DACH1: variants seen among roughly 807,000 people sequenced by gnomAD.
DACH1 encodes dachshund homolog 1.
DACH1 carries 12 observed loss-of-function variants against 54.2 expected under a neutral mutation model. The ratio of observed to expected loss-of-function variants is 0.22; its 90% CI spans 0.14 to 0.36. DACH1 has a LOEUF of 0.36. DACH1 is among the 10% of genes least tolerant of loss of function. The pLI, the probability that DACH1 is intolerant of heterozygous loss-of-function variation, is 1.00. For synonymous variants in DACH1, 386 were observed against 366.2 expected, an observed-to-expected ratio of 1.05 and a Z score of -0.62; for missense variants, 805 against 929.8, an observed-to-expected ratio of 0.87 and a Z score of 1.75.
intron 1 of DACH1, among the ~76,000 whole-genome samples, chr13:71,822,949 T>G (rs1888247457): frequency 6.6e-6 from 1 of 152,142 alleles, no homozygotes; most frequent in African/African-American, 2.4e-5. Flanking sequence ...TACATAGATT[T>G]GAACTTAGGG....
At chr13:71,723,606 T>A (rs569042232) in intron 1 of DACH1, among the ~76,000 whole-genome samples, 1 of 152,348 alleles carries the variant, frequency 6.6e-6, no homozygotes, top group Non-Finnish European at 1.5e-5. Flanking sequence ...GGTGGTTTTT[T>A]AAAAATTTAT....
intron 3 of DACH1, among the ~76,000 whole-genome samples, chr13:71,609,408 G>A (rs915926620): frequency 1.3e-5 from 2 of 152,148 alleles, no homozygotes; most frequent in African/African-American, 2.4e-5. Flanking sequence ...TCCTGGTGCT[G>A]TGTACATACT....
chr13:71,730,699 T>C (rs1883702315), intron 1 of DACH1, among the ~76,000 whole-genome samples: 1 of 152,192 alleles, frequency 6.6e-6, no homozygotes, highest in Non-Finnish European at 1.5e-5. Context: ...AAGCATTATG[T>C]ACTTTGTTGT....
chr13:71,582,814 G>A (rs190698967), intron 3 of DACH1, among the ~76,000 whole-genome samples: 291 of 152,230 alleles, frequency 1.9e-3, no homozygotes, highest in Non-Finnish European at 3.3e-3. Flanking sequence ...ATTCAGAAGA[G>A]GAGGTTTTCA....
intron 1 of DACH1, among the ~76,000 whole-genome samples, chr13:71,749,470 C>T (rs1040890365): frequency 9.2e-5 from 14 of 151,950 alleles, no homozygotes; most frequent in Non-Finnish European, 1.8e-4. Flanking sequence ...CAGATAAAAC[C>T]TGGGCTGATA....
intron 4 of DACH1, among the ~76,000 whole-genome samples, chr13:71,560,642 T>C (rs1461629342): frequency 6.6e-6 from 1 of 152,184 alleles, no homozygotes; most frequent in African/African-American, 2.4e-5. Flanking sequence ...TTCCTGATAC[T>C]CTATTTTATG....
intron 1 of DACH1, among the ~76,000 whole-genome samples, chr13:71,821,914 A>T (rs1364382575): frequency 1.3e-5 from 2 of 152,070 alleles, no homozygotes; most frequent in Admixed American, 6.5e-5. Flanking sequence ...TACAAAAATT[A>T]TCTGGGCGTG....
chr13:71,765,242 A>C (rs1885571373), intron 1 of DACH1, among the ~76,000 whole-genome samples: 1 of 152,284 alleles, frequency 6.6e-6, no homozygotes, highest in African/African-American at 2.4e-5. Context: ...GAAGACATTA[A>C]CTTATGATTT....
chr13:71,685,727 T>C (rs1881126638), intron 1 of DACH1, among the ~76,000 whole-genome samples: 1 of 152,174 alleles, frequency 6.6e-6, no homozygotes, highest in Admixed American at 6.5e-5. Flanking sequence ...AAAGGCATTT[T>C]AGGGAACCTC....
At chr13:71,712,745 C>T (rs1882780128) in intron 1 of DACH1, among the ~76,000 whole-genome samples, 1 of 151,946 alleles carries the variant, frequency 6.6e-6, no homozygotes, top group Non-Finnish European at 1.5e-5. Flanking sequence ...AAAATAAATA[C>T]TTATTTCAAC....
chr13:71,513,368 C>G lies in DACH1; in HGVS notation c.1571-24220G>C, dbSNP rs562931101. 5.3e-5 allele frequency among the ~76,000 whole-genome samples: 8 copies of G among 151,990 alleles called. No homozygotes were observed. In the South Asian group the frequency reaches 1.7e-3, roughly 32 times the overall value. On this transcript the variant is annotated intron_variant, in intron 6 of 10. Coordinates refer to ENST00000613252, the MANE Select transcript of DACH1 (RefSeq NM_080759.6). ...AGGTTTGATTGTACCAAGAAAATTG[C>G]TTTTGCCATTTGCTTAATTTCATCT...
intron 2 of DACH1, among the ~76,000 whole-genome samples, chr13:71,638,336 A>G (rs919915916): frequency 1.3e-5 from 2 of 152,184 alleles, no homozygotes; most frequent in African/African-American, 4.8e-5. Flanking sequence ...TAACCATTAC[A>G]AGAAGGAGGA....
intron 5 of DACH1, among the ~76,000 whole-genome samples, chr13:71,557,814 G>A (rs1250953570): frequency 1.4e-5 from 2 of 145,158 alleles, no homozygotes; most frequent in African/African-American, 5.1e-5. Context: ...CAAACTGAGG[G>A]ACATTCTACA....
intron 1 of DACH1, among the ~76,000 whole-genome samples, chr13:71,811,515 A>G (rs1313155253): frequency 2.0e-5 from 3 of 152,180 alleles, no homozygotes; most frequent in Non-Finnish European, 4.4e-5. Flanking sequence ...ACAAACCACT[A>G]GTTTGCTACT....
chr13:71,606,074 T>C (rs1874859684), intron 3 of DACH1, among the ~76,000 whole-genome samples: 1 of 152,066 alleles, frequency 6.6e-6, no homozygotes, highest in Non-Finnish European at 1.5e-5. Context: ...GCTAATCTAC[T>C]AGAGTACTAT....
At chr13:71,505,919 T>C (rs1464699194) in intron 6 of DACH1, among the ~76,000 whole-genome samples, 5 of 152,060 alleles carry the variant, frequency 3.3e-5, no homozygotes, top group Non-Finnish European at 7.4e-5. Context: ...TTAAAAATAA[T>C]TAAAATATTC....
chr13:71,693,296 C>CTTTTTTTTTTGT (rs1881620344), intron 1 of DACH1, among the ~76,000 whole-genome samples: 1 of 90,962 alleles, frequency 1.1e-5, no homozygotes, highest in Admixed American at 1.3e-4. Flanking sequence ...ATTTGTTTTG[C>CTTTTTTTTTTGT]TTTTTTTTTT....
intron 6 of DACH1, among the ~76,000 whole-genome samples, chr13:71,535,398 T>C (rs1882701321): frequency 6.6e-6 from 1 of 151,926 alleles, no homozygotes; most frequent in Admixed American, 6.6e-5. Context: ...ATTTAAAATT[T>C]GGAATGTTAT....
chr13:71,821,655 T>G (rs1227107230), intron 1 of DACH1, among the ~76,000 whole-genome samples: 1 of 152,106 alleles, frequency 6.6e-6, no homozygotes, highest in Non-Finnish European at 1.5e-5. Flanking sequence ...TTTTTTAAGT[T>G]AAAACAATAT....
Sources: gnomAD v4.1 joint callset for allele counts (sites outside exome capture counted in the v4.1 genomes callset) on GRCh38, gnomAD v4.1.1 for gene constraint, MANE v1.5 for transcripts, NCBI Gene and HGNC (gene_info 2026-07-23, HGNC 2026-07-21) for gene names.